Variants in PCDH15 observed in about 807,000 individuals in gnomAD.
The protein encoded by PCDH15 is protocadherin related 15, also known as protocadherin-15.
A neutral mutation model predicts 178.5 loss-of-function variants in PCDH15; 129 were observed. The ratio of observed to expected loss-of-function variants is 0.72; its 90% CI spans 0.63 to 0.84. The LOEUF is 0.84. Among genes scored for constraint, PCDH15 ranks in the 40% least tolerant of loss-of-function variants. The pLI, the probability that PCDH15 is intolerant of heterozygous loss-of-function variation, is 0.00. For missense variants in PCDH15, 2,230 were observed against 2,099.9 expected (o/e 1.06, Z -1.21); for synonymous variants, 800 against 732.0 (o/e 1.09, Z -1.50).
At chr10:54,096,696 A>G (rs1216135530) in intron 15 of PCDH15, among the ~76,000 whole-genome samples, 1 of 152,108 alleles carries the variant, frequency 6.6e-6, no homozygotes, top group Admixed American at 6.6e-5. Context: ...AGGGCACTGA[A>G]TGCCATTCAT....
intron 28 of PCDH15, among the ~76,000 whole-genome samples, chr10:53,843,334 C>T (rs918234535): frequency 6.6e-6 from 1 of 151,936 alleles, no homozygotes; most frequent in African/African-American, 2.4e-5. Context: ...CATTTATCAT[C>T]TATATCTATA....
At chr10:55,582,130 T>C (rs373521506) in intron 2 of PCDH15, among the ~76,000 whole-genome samples, 51 of 152,276 alleles carry the variant, frequency 3.3e-4, no homozygotes, top group African/African-American at 1.0e-3. Context: ...TGAGAAAGTG[T>C]CCGGGTTCCA....
At position 53,903,907 on chromosome 10, in the gene PCDH15, T is replaced by C. The variant is rs532292022; in HGVS notation, c.3374-537A>G. Reference sequence around the variant, plus strand: ...TTTATTTCCACAAATGGAAAACAAGTTTTATCATGCCTTGGAAACTGTCAA... The same window carrying C: ...TTTATTTCCACAAATGGAAAACAAGCTTTATCATGCCTTGGAAACTGTCAA... On this transcript the variant is annotated intron_variant, in intron 25 of 37. Transcript: ENST00000644397. Among the ~76,000 whole-genome samples the C allele has an allele frequency of 2.5e-3, 379 of 152,220 alleles. 2 individuals are homozygous for C. The highest frequency in any genetic ancestry group is 9.0e-3 in the African/African-American group (373 of 41,548).
At position 55,194,272 on chromosome 10, in the gene PCDH15, T is replaced by A. The variant is rs986877882; in HGVS notation, c.-155-27621A>T. Among the ~76,000 whole-genome samples, 7 of 152,038 alleles carry A rather than the reference T, an allele frequency of 4.6e-5. No homozygotes were observed. In the East Asian group the frequency reaches 9.6e-4, roughly 21 times the overall value. On this transcript the variant is annotated intron_variant, in intron 1 of 5. Transcript: ENST00000458638. ...CTTGGTGTAAATAACAGCCCTTTTC[T>A]CTCTTCATCATTCTTTTATCTCAAA...
chr10:54,655,294 G>GAGAGAGAC (rs2094368296), intron 2 of PCDH15, among the ~76,000 whole-genome samples: 1 of 122,730 alleles, frequency 8.1e-6, no homozygotes, highest in Non-Finnish European at 1.8e-5. Context: ...GAGAGAGAGA[G>GAGAGAGAC]AGAGAGAGAC....
At chr10:55,256,716 A>C (rs1326908781) in intron 1 of PCDH15, among the ~76,000 whole-genome samples, 2 of 152,272 alleles carry the variant, frequency 1.3e-5, no homozygotes, top group East Asian at 3.9e-4. Flanking sequence ...TAGGTAAACA[A>C]AGCTGCTGGG....
At chr10:55,620,509 T>G (rs1204835223) in intron 2 of PCDH15, among the ~76,000 whole-genome samples, 2 of 152,026 alleles carry the variant, frequency 1.3e-5, no homozygotes, top group Non-Finnish European at 2.9e-5. Context: ...CAAATCATAA[T>G]GCCCATTGAT....
intron 2 of PCDH15, among the ~76,000 whole-genome samples, chr10:55,052,827 CA>C (rs1841200465): frequency 6.6e-6 from 1 of 152,032 alleles, no homozygotes; most frequent in South Asian, 2.1e-4. Context: ...TTAATTATAG[CA>C]ATTTAATAAA....
At chr10:54,428,160 C>G (rs1414482242) in intron 3 of PCDH15, among the ~76,000 whole-genome samples, 4 of 152,144 alleles carry the variant, frequency 2.6e-5, no homozygotes, top group Admixed American at 2.6e-4. Flanking sequence ...ACATCTGTAC[C>G]TTTCACGAAA....
Position 53,903,341 on chromosome 10 carries a change from G to A in PCDH15, c.3403C>T (p.Gln1135Ter), listed in dbSNP as rs1346246629. Residue 1135 changes from glutamine (Q) to a stop codon, truncating the protein, a stop_gained, in exon 26 of 38, where the codon CAG becomes TAG. Coordinates refer to ENST00000644397, the MANE Select transcript of PCDH15 (RefSeq NM_001384140.1). LOFTEE classifies it high-confidence loss of function. ...SNTAKVYIEI[Q>*]DENNHPPVFQ... ...ACTGGGGGATGATTATTTTCATCCT[G>A]AATCTCAATGTATACTTTAGCTGTA... 6.2e-7 allele frequency: 1 copy of A among 1,612,848 alleles called. No homozygotes were observed. The highest frequency in any genetic ancestry group is 1.7e-5 in the Admixed American group (1 of 60,006).
chr10:55,483,153 G>A (rs1208418819), intron 2 of PCDH15, among the ~76,000 whole-genome samples: 4 of 151,776 alleles, frequency 2.6e-5, no homozygotes, highest in Non-Finnish European at 5.9e-5. Flanking sequence ...TAATTAAAGA[G>A]TTTCTGCACA....
intron 1 of PCDH15, among the ~76,000 whole-genome samples, chr10:54,741,930 T>C (rs1285914423): frequency 6.6e-6 from 1 of 152,056 alleles, no homozygotes; most frequent in Admixed American, 6.6e-5. Flanking sequence ...CCACTTACCA[T>C]GGGCTATAAC....
At chr10:55,521,147 T>A (rs1375743316) in intron 2 of PCDH15, among the ~76,000 whole-genome samples, 1 of 152,026 alleles carries the variant, frequency 6.6e-6, no homozygotes, top group Non-Finnish European at 1.5e-5. Flanking sequence ...GTTTTTAGAT[T>A]TCACATAGAA....
intron 2 of PCDH15, among the ~76,000 whole-genome samples, chr10:55,078,461 T>A (rs1025841847): frequency 6.6e-6 from 1 of 152,148 alleles, no homozygotes; most frequent in Non-Finnish European, 1.5e-5. Flanking sequence ...GTATATGTAG[T>A]CACTTTATGA....
chr10:54,553,769 G>C (rs897211798), intron 2 of PCDH15, among the ~76,000 whole-genome samples: 1 of 151,856 alleles, frequency 6.6e-6, no homozygotes, highest in African/African-American at 2.4e-5. Context: ...CATTAAAAAA[G>C]TTTATGTTAT....
intron 2 of PCDH15, among the ~76,000 whole-genome samples, chr10:55,031,970 G>A (rs1190208949): frequency 6.6e-6 from 1 of 152,170 alleles, no homozygotes. Context: ...CTAAAAATGT[G>A]GAAGCAAGCT....
At chr10:54,666,135 C>A (rs1255869221) in intron 1 of PCDH15, among the ~76,000 whole-genome samples, 1 of 151,860 alleles carries the variant, frequency 6.6e-6, no homozygotes, top group East Asian at 1.9e-4. Context: ...AGTGTACTTA[C>A]AGAATGAGTA....
chr10:54,194,062 G>GAAAAAAAA (rs10629717), intron 11 of PCDH15, among the ~76,000 whole-genome samples: 9 of 117,956 alleles, frequency 7.6e-5, no homozygotes, highest in African/African-American at 2.4e-4. Flanking sequence ...AGGAAAGATT[G>GAAAAAAAA]AAAAAAAAAA....
chr10:55,448,434 A>G (rs1839364106), intron 2 of PCDH15, among the ~76,000 whole-genome samples: 1 of 152,044 alleles, frequency 6.6e-6, no homozygotes, highest in African/African-American at 2.4e-5. Context: ...TGTGTGTTAC[A>G]GGATGAGTTT....
Sources: gnomAD v4.1 joint callset for allele counts (sites outside exome capture counted in the v4.1 genomes callset) on GRCh38, gnomAD v4.1.1 for gene constraint, MANE v1.5 for transcripts, NCBI Gene and HGNC (gene_info 2026-07-23, HGNC 2026-07-21) for gene names.